Variants in B3GALT1 observed in about 807,000 individuals in gnomAD.
B3GALT1 encodes the protein beta-1,3-galactosyltransferase 1.
Under a neutral mutation model 23.2 loss-of-function variants are expected in B3GALT1, and 10 were observed. The ratio of observed to expected loss-of-function variants is 0.43; its 90% CI spans 0.27 to 0.73. The LOEUF is 0.73. B3GALT1 is among the 30% of genes least tolerant of loss of function. The pLI is 0.21. For missense variants in B3GALT1, 299 were observed against 405.4 expected, an observed-to-expected ratio of 0.74 and a Z score of 2.25; for synonymous variants, 156 against 141.5, an observed-to-expected ratio of 1.10 and a Z score of -0.73.
intron 3 of B3GALT1, among the ~76,000 whole-genome samples, chr2:167,756,924 T>C (rs917234576): frequency 6.6e-6 from 1 of 152,116 alleles, no homozygotes; most frequent in Non-Finnish European, 1.5e-5. Context: ...TTTTTAGTGT[T>C]AGGAGGTGGT....
Position 167,512,621 on chromosome 2 carries a change from CGTGT to C in B3GALT1, c.-410+22345_-410+22348del, listed in dbSNP as rs1558887904. Among the ~76,000 whole-genome samples, 55 of 37,552 alleles carry C rather than the reference CGTGT, an allele frequency of 1.5e-3. 2 individuals carry two copies. The highest frequency in any genetic ancestry group is 0.012 in the East Asian group (1 of 82). 24.6% of individuals were successfully genotyped at this position (37,552 alleles called of 152,430 possible). On this transcript the variant is annotated intron_variant, in intron 2 of 4. Transcript: ENST00000392690. ...ATATATATATATGTATATATATATA[CGTGT>C]ATATATATATACATATATATATATA...
chr2:167,463,198 C>G (rs1181054758), intron 1 of B3GALT1, among the ~76,000 whole-genome samples: 2 of 152,052 alleles, frequency 1.3e-5, no homozygotes, highest in African/African-American at 4.8e-5. Context: ...TGTTCTCTCA[C>G]TATCTTCTTA....
At chr2:167,328,234 T>C (rs1696925763) in intron 1 of B3GALT1, among the ~76,000 whole-genome samples, 1 of 152,220 alleles carries the variant, frequency 6.6e-6, no homozygotes, top group Non-Finnish European at 1.5e-5. Flanking sequence ...GCTGACCTTG[T>C]ATAATGAGTT....
intron 1 of B3GALT1, among the ~76,000 whole-genome samples, chr2:167,449,933 G>A (rs1699061810): frequency 6.6e-6 from 1 of 152,102 alleles, no homozygotes; most frequent in Non-Finnish European, 1.5e-5. Context: ...TGCATTCCTG[G>A]TATGAAGCCC....
At chr2:167,593,259 T>C (rs964044395) in intron 2 of B3GALT1, among the ~76,000 whole-genome samples, 2 of 152,214 alleles carry the variant, frequency 1.3e-5, no homozygotes, top group Admixed American at 1.3e-4. Flanking sequence ...TCATGTGATA[T>C]ATTATACAAC....
At chr2:167,297,215 A>C (rs1696365037) in intron 1 of B3GALT1, among the ~76,000 whole-genome samples, 1 of 152,156 alleles carries the variant, frequency 6.6e-6, no homozygotes, top group Non-Finnish European at 1.5e-5. Flanking sequence ...CCAAATTAAC[A>C]ACATTTAAAC....
intron 1 of B3GALT1, among the ~76,000 whole-genome samples, chr2:167,367,771 C>A (rs148216896): frequency 9.7e-4 from 147 of 152,284 alleles, no homozygotes; most frequent in African/African-American, 3.4e-3. Flanking sequence ...ACCCTCTTCT[C>A]CCCTGAGCAA....
Position 167,725,037 on chromosome 2 carries a change from A to G in B3GALT1, c.-352+78071A>G, listed in dbSNP as rs375384092. 1.4e-4 allele frequency among the ~76,000 whole-genome samples: 22 copies of G among 152,370 alleles called. No individual in the cohort carries two copies. In the South Asian group the frequency reaches 3.7e-3, roughly 26 times the overall value. The stretch of plus-strand genomic sequence containing the variant: ...ATTTGTCCAGAAGAATGTAAAAACT[A>G]TTAAGTCAAACACTTCATTGTCAGA... On this transcript the variant is annotated intron_variant, in intron 3 of 4. Coordinates refer to ENST00000392690, the MANE Select transcript of B3GALT1 (RefSeq NM_020981.4).
In B3GALT1 at chr2:167,806,209, C is replaced by G. The variant is rs1326938290; in HGVS notation, c.-351-12463C>G. On this transcript the variant is annotated intron_variant, in intron 3 of 4. Transcript: ENST00000392690. ...CTGAGACTTTGCTGAAGTTGCCCAT[C>G]AGCTTAAGGAGATTTTGGGCTGAGA... Among the ~76,000 whole-genome samples, 387 of 152,308 alleles carry G rather than the reference C, an allele frequency of 2.5e-3. 2 individuals are homozygous for G. Among genetic ancestry groups the G allele is most frequent in the Non-Finnish European group, 3.9e-3 (265 of 68,020 alleles).
intron 3 of B3GALT1, among the ~76,000 whole-genome samples, chr2:167,767,194 A>G (rs565049876): frequency 3.3e-5 from 5 of 152,300 alleles, no homozygotes; most frequent in Non-Finnish European, 5.9e-5. Context: ...AGCTGAACCA[A>G]TTGAGGTGTT....
In B3GALT1 at chr2:167,511,371, A is replaced by T. The variant is rs1182648180; in HGVS notation, c.-410+21094A>T. On this transcript the variant is annotated intron_variant, in intron 2 of 4. Coordinates refer to ENST00000392690, the MANE Select transcript of B3GALT1 (RefSeq NM_020981.4). ...GAATTCTTGGTTCTCAGGAGATCTG[A>T]TGGTTTTATAAGGGGCTTCACCCTT... 2.0e-5 allele frequency among the ~76,000 whole-genome samples: 3 copies of T among 152,144 alleles called. No homozygotes were observed. The East Asian group carries it at 5.8e-4, about 29-fold the overall frequency.
chr2:167,733,110 A>G (rs1245682594), intron 3 of B3GALT1, among the ~76,000 whole-genome samples: 1 of 151,666 alleles, frequency 6.6e-6, no homozygotes, highest in Non-Finnish European at 1.5e-5. Context: ...TTTTAGGAGC[A>G]TTGTTTGTTG....
intron 3 of B3GALT1, among the ~76,000 whole-genome samples, chr2:167,773,034 T>A (rs1043208805): frequency 6.6e-6 from 1 of 152,178 alleles, no homozygotes; most frequent in Non-Finnish European, 1.5e-5. Context: ...TTGCATTACC[T>A]TTCAGGAGAG....
intron 1 of B3GALT1, among the ~76,000 whole-genome samples, chr2:167,486,622 G>T (rs1699630475): frequency 6.6e-6 from 1 of 152,080 alleles, no homozygotes; most frequent in South Asian, 2.1e-4. Flanking sequence ...GGAGGCTGAG[G>T]CAGGAGAATC....
intron 2 of B3GALT1, among the ~76,000 whole-genome samples, chr2:167,616,954 C>T (rs1264250616): frequency 6.6e-6 from 1 of 152,002 alleles, no homozygotes; most frequent in Non-Finnish European, 1.5e-5. Flanking sequence ...TGTCAGTTAG[C>T]AATGCTTTTG....
chr2:167,636,338 A>G (rs768473552), intron 2 of B3GALT1, among the ~76,000 whole-genome samples: 11 of 151,772 alleles, frequency 7.2e-5, no homozygotes, highest in Non-Finnish European at 1.6e-4. Flanking sequence ...CAAGCTGAAG[A>G]TATGCTCTGT....
At chr2:167,299,804 GTC>G (rs751393976) in intron 1 of B3GALT1, among the ~76,000 whole-genome samples, 4 of 149,768 alleles carry the variant, frequency 2.7e-5, no homozygotes, top group African/African-American at 2.4e-5. Context: ...TTCTCTCTTG[GTC>G]TCTCTCTCTC....
At chr2:167,396,951 A>G (rs1045379791) in intron 1 of B3GALT1, among the ~76,000 whole-genome samples, 5 of 152,102 alleles carry the variant, frequency 3.3e-5, no homozygotes, top group Non-Finnish European at 5.9e-5. Context: ...TATTACTACA[A>G]TTATTTAAGA....
At chr2:167,610,017 TA>T (rs1685031122) in intron 2 of B3GALT1, among the ~76,000 whole-genome samples, 1 of 152,106 alleles carries the variant, frequency 6.6e-6, no homozygotes, top group African/African-American at 2.4e-5. Flanking sequence ...ATATTTCATT[TA>T]AAAAATATAT....
Sources: gnomAD v4.1 joint callset for allele counts (sites outside exome capture counted in the v4.1 genomes callset) on GRCh38, gnomAD v4.1.1 for gene constraint, MANE v1.5 for transcripts, NCBI Gene and HGNC (gene_info 2026-07-23, HGNC 2026-07-21) for gene names.